The following MSI2 variants were observed in gnomAD, a reference collection of about 807,000 sequenced individuals.
MSI2 encodes RNA-binding protein Musashi homolog 2.
A neutral mutation model predicts 45.6 loss-of-function variants in MSI2; 17 were observed. The observed-to-expected ratio is 0.37, with a 90% CI of 0.26 to 0.56. The LOEUF is 0.56. Ranked by LOEUF, MSI2 falls within the 20% of genes least tolerant of loss-of-function variation. The pLI is 0.77. For synonymous variants in MSI2, 156 were observed against 158.2 expected, an observed-to-expected ratio of 0.99 and a Z score of 0.11; for missense variants, 293 against 444.2, an observed-to-expected ratio of 0.66 and a Z score of 3.06.
rs1909437643 is a variant in MSI2 at position 57,281,737 on chromosome 17, G to A, written c.312+19545G>A. 2.0e-5 allele frequency among the ~76,000 whole-genome samples: 3 copies of A among 152,176 alleles called. No homozygotes were observed. The South Asian group carries it at 6.2e-4, about 31-fold the overall frequency. On this transcript the variant is annotated intron_variant, in intron 5 of 13. Coordinates refer to ENST00000284073, the MANE Select transcript of MSI2 (RefSeq NM_138962.4). ...AGGTGAACAAATCAAAGGTGAGCCC[G>A]TTCTGCCTCAGTGAGGCCTTTTGTG... is the stretch of plus-strand genomic sequence containing the variant.
intron 6 of MSI2, among the ~76,000 whole-genome samples, chr17:57,422,414 C>G (rs1291892800): frequency 6.6e-6 from 1 of 151,918 alleles, no homozygotes; most frequent in East Asian, 2.0e-4. Context: ...GAGCTGAGAT[C>G]GCACCACTGC....
At position 57,627,160 on chromosome 17, in the gene MSI2, CG is replaced by C; in HGVS notation, c.653-68del. On this transcript the variant is annotated intron_variant, in intron 9 of 13. Transcript: ENST00000284073. The surrounding 1 kb of genome is among the most constrained non-coding windows in gnomAD (Gnocchi z 4.6). ...TCAGGCTTTCCTCATTGCCACCCTC[CG>C]TGAGATTTTACCCCAGACCTGAGGC... 4 of 1,360,382 alleles carry C rather than the reference CG, an allele frequency of 2.9e-6. No homozygotes were observed. Among genetic ancestry groups the C allele is most frequent in the Non-Finnish European group, 4.2e-6 (4 of 949,232 alleles). The allele number at this position is 1,360,382 out of a possible 1,614,324, so 84.3% of individuals were successfully genotyped here.
the MSI2 span, among the ~76,000 whole-genome samples, chr17:57,693,088 A>G: frequency 2.0e-5 from 3 of 151,576 alleles, no homozygotes; most frequent in Non-Finnish European, 2.9e-5. Context: ...AGAATGTTTG[A>G]CCATTTGATA....
chr17:57,439,527 C>T (rs1176501699), intron 6 of MSI2, among the ~76,000 whole-genome samples: 3 of 151,836 alleles, frequency 2.0e-5, no homozygotes, highest in South Asian at 4.2e-4. Flanking sequence ...CATTGCAGGT[C>T]CTGTGCCAGG....
At chr17:57,399,437 C>T (rs2083948610) in intron 5 of MSI2, among the ~76,000 whole-genome samples, 1 of 152,134 alleles carries the variant, frequency 6.6e-6, no homozygotes, top group South Asian at 2.1e-4. Context: ...TTGGGGTTAA[C>T]CAGCAGGTTG....
intron 5 of MSI2, among the ~76,000 whole-genome samples, chr17:57,350,222 A>AGG (rs1915906811): frequency 2.3e-5 from 2 of 86,538 alleles, no homozygotes; most frequent in Admixed American, 1.0e-4. Flanking sequence ...TGCCAGAGGT[A>AGG]GGGGTGTGTG....
intron 7 of MSI2, among the ~76,000 whole-genome samples, chr17:57,541,952 A>G (rs552307917): frequency 2.0e-5 from 3 of 152,010 alleles, no homozygotes; most frequent in African/African-American, 7.2e-5. Flanking sequence ...GCGCCTCTGC[A>G]CCAGATCTGC....
rs1441948430 is a variant in MSI2 at position 57,293,791 on chromosome 17, A to G, written c.312+31599A>G. Among the ~76,000 whole-genome samples the G allele has an allele frequency of 4.6e-5, 7 of 151,564 alleles. No homozygotes were observed. The East Asian group carries it at 1.4e-3, about 29-fold the overall frequency. ...ACCCGGCTAATTTTGTATTTTTAGT[A>G]GAGATGGGGTTTCTCCATGTTGGTC... On this transcript the variant is annotated intron_variant, in intron 5 of 13. Transcript: ENST00000284073.
At chr17:57,271,428 C>T (rs1418383336) in intron 5 of MSI2, among the ~76,000 whole-genome samples, 2 of 152,086 alleles carry the variant, frequency 1.3e-5, no homozygotes, top group African/African-American at 4.8e-5. Flanking sequence ...TTTAAGAAAT[C>T]CATTCAAGAG....
At chr17:57,519,443 G>T (rs2086538854) in intron 6 of MSI2, among the ~76,000 whole-genome samples, 1 of 152,078 alleles carries the variant, frequency 6.6e-6, no homozygotes, top group Admixed American at 6.5e-5. Context: ...GGGGAGACTC[G>T]CATGGCTGAG....
At chr17:57,427,415 TAAAAGA>T (rs2084513927) in intron 6 of MSI2, among the ~76,000 whole-genome samples, 1 of 149,424 alleles carries the variant, frequency 6.7e-6, no homozygotes, top group Non-Finnish European at 1.5e-5. Context: ...AAAAAATAAA[TAAAAGA>T]AAATAAAAGA....
intron 7 of MSI2, among the ~76,000 whole-genome samples, chr17:57,572,589 C>A (rs1244134463): frequency 2.6e-5 from 4 of 152,190 alleles, no homozygotes; most frequent in Non-Finnish European, 4.4e-5. Context: ...GCCTCAGGTA[C>A]CTCCTGGCAC....
At chr17:57,292,472 T>G (rs1366774885) in intron 5 of MSI2, among the ~76,000 whole-genome samples, 1 of 152,102 alleles carries the variant, frequency 6.6e-6, no homozygotes, top group Non-Finnish European at 1.5e-5. Context: ...ACCTGGTGAC[T>G]CCAGTGGGGT....
chr17:57,503,050 C>T (rs1470072180), intron 6 of MSI2, among the ~76,000 whole-genome samples: 1 of 151,924 alleles, frequency 6.6e-6, no homozygotes, highest in African/African-American at 2.4e-5. Context: ...TGGAGTTTTC[C>T]TTTTAATTCA....
chr17:57,633,208 G>T (rs1858391687), intron 10 of MSI2: 1 of 1,009,072 alleles, frequency 9.9e-7, no homozygotes, highest in African/African-American at 1.7e-5. Flanking sequence ...CCGTCTCTTA[G>T]CCTGACAGTG....
chr17:57,533,836 ACCTGGGCTTCC>A (rs1216529128), intron 7 of MSI2, among the ~76,000 whole-genome samples: 2 of 152,146 alleles, frequency 1.3e-5, no homozygotes, highest in Admixed American at 1.3e-4. Context: ...GGCTGATGTG[ACCTGGGCTTCC>A]CCTGGGGAAA....
At chr17:57,631,994 CAT>C in intron 10 of MSI2, 1 of 1,410,628 alleles carries the variant, frequency 7.1e-7, no homozygotes. Flanking sequence ...TTCTTGGACT[CAT>C]GTCCTCATTG....
At chr17:57,323,777 G>A (rs1254731571) in intron 5 of MSI2, among the ~76,000 whole-genome samples, 1 of 152,242 alleles carries the variant, frequency 6.6e-6, no homozygotes, top group Admixed American at 6.5e-5. Context: ...GGATCATGGG[G>A]TAGCTATGTG....
intron 5 of MSI2, among the ~76,000 whole-genome samples, chr17:57,291,296 G>A (rs1910397342): frequency 6.6e-6 from 1 of 152,204 alleles, no homozygotes; most frequent in Admixed American, 6.5e-5. Context: ...CTGTGTACAT[G>A]TGTGATCAGC....
Sources: gnomAD v4.1 joint callset for allele counts (sites outside exome capture counted in the v4.1 genomes callset) on GRCh38, gnomAD v4.1.1 for gene constraint, Gnocchi (gnomAD v3.1) non-coding constraint, MANE v1.5 for transcripts, NCBI Gene and HGNC (gene_info 2026-07-23, HGNC 2026-07-21) for gene names.